The following USP13 variants were observed in gnomAD, a reference collection of about 807,000 sequenced individuals.
The protein encoded by USP13 is ubiquitin specific peptidase 13, also known as ubiquitin carboxyl-terminal hydrolase 13.
A neutral mutation model predicts 107.8 loss-of-function variants in USP13; 68 were observed. The ratio of observed to expected loss-of-function variants is 0.63; its 90% CI spans 0.52 to 0.77. USP13 has a LOEUF of 0.77. Ranked by LOEUF, USP13 falls within the 30% of genes least tolerant of loss-of-function variation. USP13 has a pLI of 0.00. For missense variants in USP13, 945 were observed against 1,093.3 expected, an observed-to-expected ratio of 0.86 and a Z score of 1.91; for synonymous variants, 377 against 389.5, an observed-to-expected ratio of 0.97 and a Z score of 0.38.
rs1715991417 is a variant in USP13 at position 179,789,223 on chromosome 3, C to T, written c.*5082C>T. The stretch of plus-strand genomic sequence containing the variant: ...CAGAGGCTGAGTCTGTTCCTGTGCC[C>T]ACCTGTCCAGCAGGTTTTGATGTTG... On this transcript the variant is annotated 3_prime_UTR_variant, in exon 21 of 21. Transcript: ENST00000263966. 1 of 152,168 alleles carries T rather than the reference C, an allele frequency of 6.6e-6. No homozygotes were observed. The highest frequency in any genetic ancestry group is 1.5e-5 in the Non-Finnish European group (1 of 68,042). 9.4% of individuals were successfully genotyped at this position (152,168 alleles called of 1,614,324 possible).
chr3:179,786,108 T>C lies in USP13; in HGVS notation c.*1967T>C, dbSNP rs1715909215. 1 of 152,214 alleles carries C rather than the reference T, an allele frequency of 6.6e-6. No homozygotes were observed. Among genetic ancestry groups the C allele is most frequent in the Non-Finnish European group, 1.5e-5 (1 of 68,042 alleles). The allele number at this position is 152,214 out of a possible 1,614,324, so 9.4% of individuals were successfully genotyped here. ...TGTGCCCACTGGTGTCACCTCCTAA[T>C]GTTAACTTGGATTTCCTAAAGCAGT... On this transcript the variant is annotated 3_prime_UTR_variant, in exon 21 of 21. Transcript: ENST00000263966.
Position 179,653,722 on chromosome 3 carries a change from C to G in USP13, c.168+329C>G. 1 of 240,554 alleles carries G rather than the reference C, an allele frequency of 4.2e-6. No homozygotes were observed. Among genetic ancestry groups the G allele is most frequent in the Non-Finnish European group, 8.1e-6 (1 of 123,084 alleles). 14.9% of individuals were successfully genotyped at this position (240,554 alleles called of 1,614,324 possible). ...CGAACTGCACGTTGCAGATCGTTTG[C>G]GTCCTCCGCGGGGCAGAGCGCAGGG... On this transcript the variant is annotated intron_variant, in intron 1 of 20. Coordinates refer to ENST00000263966, the MANE Select transcript of USP13 (RefSeq NM_003940.3). The surrounding 1 kb of genome is among the most constrained non-coding windows in gnomAD (Gnocchi z 4.0).
At chr3:179,693,185 G>T (rs972514688) in intron 3 of USP13, among the ~76,000 whole-genome samples, 1 of 152,100 alleles carries the variant, frequency 6.6e-6, no homozygotes, top group African/African-American at 2.4e-5. Context: ...AACTCATTCT[G>T]TTGCCCAGGC....
At chr3:179,773,824 A>G (rs542165528) in intron 19 of USP13, among the ~76,000 whole-genome samples, 3 of 152,354 alleles carry the variant, frequency 2.0e-5, no homozygotes, top group African/African-American at 7.2e-5. Flanking sequence ...CCCAATTTAT[A>G]AATCTATACA....
In USP13 at chr3:179,770,944, T is replaced by C. The variant is rs1433572477; in HGVS notation, c.2413+5096T>C. ...ACAATTAAAGAGTAGGGGTAATTGGTGTTTGAGGAACCAAAACAAACAAAA... is the reference window on the plus strand; with the variant it reads ...ACAATTAAAGAGTAGGGGTAATTGGCGTTTGAGGAACCAAAACAAACAAAA... On this transcript the variant is annotated intron_variant, in intron 19 of 20. Transcript: ENST00000263966. Among the ~76,000 whole-genome samples the C allele has an allele frequency of 5.9e-5, 9 of 152,282 alleles. No individual in the cohort carries two copies. In the East Asian group the frequency reaches 1.2e-3, roughly 20 times the overall value.
At chr3:179,714,855 T>G (rs1279898980) in intron 6 of USP13, among the ~76,000 whole-genome samples, 1 of 139,294 alleles carries the variant, frequency 7.2e-6, no homozygotes, top group Non-Finnish European at 1.5e-5. Context: ...GGCGGTTCTC[T>G]TTCTTTTCCT....
At chr3:179,716,106 T>A (rs536006751) in intron 6 of USP13, among the ~76,000 whole-genome samples, 15 of 152,268 alleles carry the variant, frequency 9.9e-5, no homozygotes, top group African/African-American at 3.4e-4. Flanking sequence ...GTATTTTTAG[T>A]AGAGACGGGG....
At chr3:179,753,181 C>T (rs1038583751) in intron 14 of USP13, among the ~76,000 whole-genome samples, 1 of 152,144 alleles carries the variant, frequency 6.6e-6, no homozygotes, top group African/African-American at 2.4e-5. Flanking sequence ...CTCAATCTTA[C>T]GCTGGTTAAC....
At position 179,750,326 on chromosome 3, in the gene USP13, G is replaced by GTGTATATA. The variant is rs1553797370; in HGVS notation, c.1710-1958_1710-1957insGTATATAT. 3.3e-3 allele frequency among the ~76,000 whole-genome samples: 248 copies of GTGTATATA among 75,844 alleles called. 2 individuals are homozygous for GTGTATATA. Among genetic ancestry groups the GTGTATATA allele is most frequent in the African/African-American group, 8.4e-3 (216 of 25,730 alleles). The allele number at this position is 75,844 out of a possible 152,430, so 49.8% of individuals were successfully genotyped here. A position where few individuals can be genotyped will look rare whatever the true frequency, so the allele number is the denominator to read the frequency against. On this transcript the variant is annotated intron_variant, in intron 13 of 20. Coordinates refer to ENST00000263966, the MANE Select transcript of USP13 (RefSeq NM_003940.3). ...TGTGTATATATATATATATATGTGTGTATATATATATATATATATGTATAT... is the reference window on the plus strand; with the variant it reads ...TGTGTATATATATATATATATGTGTGTGTATATATATATATATATATATATATGTATAT...
At chr3:179,729,321 C>T (rs1713708286) in intron 8 of USP13, among the ~76,000 whole-genome samples, 1 of 152,164 alleles carries the variant, frequency 6.6e-6, no homozygotes, top group Non-Finnish European at 1.5e-5. Flanking sequence ...GTGATTTTCA[C>T]TAAACTGACT....
intron 16 of USP13, among the ~76,000 whole-genome samples, chr3:179,758,495 T>G (rs1016624277): frequency 6.6e-6 from 1 of 152,172 alleles, no homozygotes; most frequent in Non-Finnish European, 1.5e-5. Context: ...CATCCTACCT[T>G]TCTTAAATTT....
chr3:179,691,835 A>G (rs555168816), intron 3 of USP13, among the ~76,000 whole-genome samples: 7 of 152,318 alleles, frequency 4.6e-5, no homozygotes, highest in Admixed American at 2.0e-4. Context: ...ACTGATTTCT[A>G]TATCATATAA....
chr3:179,743,567 A>C (rs930162681), intron 12 of USP13, among the ~76,000 whole-genome samples: 2 of 152,240 alleles, frequency 1.3e-5, no homozygotes, highest in Non-Finnish European at 2.9e-5. Context: ...ATCAGTTTCA[A>C]AATCCTTTTG....
intron 8 of USP13, among the ~76,000 whole-genome samples, chr3:179,728,236 C>CCGGG (rs1386953247): frequency 6.7e-6 from 1 of 149,658 alleles, no homozygotes; most frequent in East Asian, 2.0e-4. Flanking sequence ...GAGGTGGCTG[C>CCGGG]CGGGCAGAGA....
At chr3:179,750,175 G>A (rs920245216) in intron 13 of USP13, among the ~76,000 whole-genome samples, 1 of 151,580 alleles carries the variant, frequency 6.6e-6, no homozygotes, top group Non-Finnish European at 1.5e-5. Flanking sequence ...TGAGGCAGGA[G>A]AATCACTTGA....
In USP13 at chr3:179,682,880, G is replaced by C. The variant is rs181293865; in HGVS notation, c.294+877G>C. On this transcript the variant is annotated intron_variant, in intron 2 of 20. Coordinates refer to ENST00000263966, the MANE Select transcript of USP13 (RefSeq NM_003940.3). ...GTTATGCTTATCTTTGTTTTTATTA[G>C]ATAGTGCCAAGTCTCTCCCCAGAGT... Among the ~76,000 whole-genome samples the C allele has an allele frequency of 4.3e-4, 65 of 152,190 alleles. 1 individual carries two copies. In the East Asian group the frequency reaches 0.012, roughly 27 times the overall value.
rs537817624 is a variant in USP13 at position 179,657,388 on chromosome 3, C to G, written c.168+3995C>G. Among the ~76,000 whole-genome samples the G allele has an allele frequency of 2.7e-5, 4 of 147,426 alleles. No individual in the cohort carries two copies. The East Asian group carries it at 8.0e-4, about 30-fold the overall frequency. ...CAGCCTGGGCAACAGAGTGAGACTC[C>G]GTCTCAAAAAAATAAAATAAAATAA... On this transcript the variant is annotated intron_variant, in intron 1 of 20. Coordinates refer to ENST00000263966, the MANE Select transcript of USP13 (RefSeq NM_003940.3).
chr3:179,708,207 G>A (rs1432349558), intron 5 of USP13, among the ~76,000 whole-genome samples: 2 of 150,802 alleles, frequency 1.3e-5, no homozygotes, highest in South Asian at 2.1e-4. Flanking sequence ...GTCAGTTTTC[G>A]AAAGTAAAAA....
intron 13 of USP13, 69 bp downstream of exon 13, chr3:179,745,286 G>T: frequency 6.9e-7 from 1 of 1,454,628 alleles, no homozygotes. Flanking sequence ...AGGGGTAAGG[G>T]AAAGGGGGTG....
Sources: allele counts gnomAD v4.1 joint callset (sites outside exome capture counted in the v4.1 genomes callset), GRCh38; gene constraint gnomAD v4.1.1; non-coding constraint Gnocchi (gnomAD v3.1); transcripts MANE v1.5; gene names NCBI Gene and HGNC (gene_info 2026-07-23, HGNC 2026-07-21).